SCD5: variants seen among roughly 807,000 people sequenced by gnomAD.
SCD5 encodes stearoyl-CoA desaturase 5, also known as acyl-CoA-desaturase 4.
SCD5 carries 20 observed loss-of-function variants against 30.4 expected under a neutral mutation model. The ratio of observed to expected loss-of-function variants is 0.66; its 90% confidence interval spans 0.46 to 0.96. SCD5 has a LOEUF of 0.96. Ranked by LOEUF, SCD5 falls within the 40% of genes least tolerant of loss-of-function variation. The pLI, the probability that SCD5 is intolerant of heterozygous loss-of-function variation, is 0.00. For synonymous variants in SCD5, 173 were observed against 176.4 expected (o/e 0.98, Z 0.16); for missense variants, 381 against 443.3 (o/e 0.86, Z 1.26).
chr4:82,691,918 T>C (rs1490266241), intron 2 of SCD5: 1 of 152,300 alleles, frequency 6.6e-6, no homozygotes, highest in Non-Finnish European at 1.5e-5. Context: ...TGGTGCCTAA[T>C]ATTTTACAGA....
chr4:82,695,680 C>T (rs1719682696), intron 2 of SCD5, among the ~76,000 whole-genome samples: 1 of 152,220 alleles, frequency 6.6e-6, no homozygotes, highest in Admixed American at 6.5e-5. Context: ...ACACTATACC[C>T]TGTCAGCTTA....
At chr4:82,717,408 G>A (rs1301313362) in intron 1 of SCD5, among the ~76,000 whole-genome samples, 3 of 151,646 alleles carry the variant, frequency 2.0e-5, no homozygotes, top group East Asian at 1.9e-4. Context: ...TGCAACTATC[G>A]AAATCACCAT....
intron 1 of SCD5, among the ~76,000 whole-genome samples, chr4:82,747,068 T>TTCCCCCCCC (rs772385416): frequency 2.5e-5 from 2 of 81,182 alleles, no homozygotes; most frequent in Admixed American, 1.2e-4. Flanking sequence ...CTGGGCAACC[T>TTCCCCCCCC]GCCCCCCAAG....
At chr4:82,779,883 A>C (rs1488441996) in intron 1 of SCD5, among the ~76,000 whole-genome samples, 1 of 152,190 alleles carries the variant, frequency 6.6e-6, no homozygotes, top group African/African-American at 2.4e-5. Context: ...ACACAATATG[A>C]CTATTCAGAC....
intron 1 of SCD5, among the ~76,000 whole-genome samples, chr4:82,719,652 C>T (rs1396110291): frequency 1.3e-5 from 2 of 151,464 alleles, no homozygotes; most frequent in Non-Finnish European, 1.5e-5. Context: ...TACAGGGGCC[C>T]GCTACCACGC....
intron 3 of SCD5, among the ~76,000 whole-genome samples, chr4:82,640,087 C>T (rs1280630530): frequency 4.6e-5 from 7 of 152,158 alleles, no homozygotes; most frequent in African/African-American, 1.2e-4. Flanking sequence ...CTGGCTCCTG[C>T]TCTCTGACCC....
At chr4:82,714,931 G>A (rs1163342209) in intron 1 of SCD5, among the ~76,000 whole-genome samples, 1 of 151,844 alleles carries the variant, frequency 6.6e-6, no homozygotes, top group Admixed American at 6.6e-5. Flanking sequence ...AGAACAACAG[G>A]ATACCATAAA....
chr4:82,731,434 C>A (rs900453456), intron 1 of SCD5, among the ~76,000 whole-genome samples: 22 of 152,300 alleles, frequency 1.4e-4, no homozygotes, highest in African/African-American at 5.1e-4. Context: ...CTTCCTGCCT[C>A]GGGGCAATGA....
At chr4:82,669,878 C>A (rs1277544050) in intron 3 of SCD5, among the ~76,000 whole-genome samples, 2 of 152,074 alleles carry the variant, frequency 1.3e-5, no homozygotes, top group African/African-American at 4.8e-5. Flanking sequence ...GGAAAATACT[C>A]AACTCCAGCC....
At chr4:82,643,909 A>G (rs1192884351) in intron 3 of SCD5, among the ~76,000 whole-genome samples, 1 of 152,192 alleles carries the variant, frequency 6.6e-6, no homozygotes, top group Non-Finnish European at 1.5e-5. Flanking sequence ...GAGCAGATGG[A>G]TGGAGAGCTC....
At chr4:82,769,979 GT>G (rs1407950518) in intron 1 of SCD5, among the ~76,000 whole-genome samples, 1 of 151,814 alleles carries the variant, frequency 6.6e-6, no homozygotes, top group Non-Finnish European at 1.5e-5. Flanking sequence ...AAATGCATTT[GT>G]TTTTCCCCTC....
intron 1 of SCD5, among the ~76,000 whole-genome samples, chr4:82,708,657 CT>C (rs1339540540): frequency 6.6e-6 from 1 of 152,190 alleles, no homozygotes; most frequent in Non-Finnish European, 1.5e-5. Flanking sequence ...CCTATCTGTC[CT>C]GATTTCCCTA....
chr4:82,720,441 T>TAAAAAAAAAAAAAAAAAAAAAAA (rs1553917690), intron 1 of SCD5, among the ~76,000 whole-genome samples: 1 of 77,938 alleles, frequency 1.3e-5, no homozygotes, highest in Non-Finnish European at 2.4e-5. Flanking sequence ...AAGGCAAAAA[T>TAAAAAAAAAAAAAAAAAAAAAAA]AAAAAAAAAA....
At chr4:82,773,812 A>C (rs990052378) in intron 1 of SCD5, among the ~76,000 whole-genome samples, 7 of 152,124 alleles carry the variant, frequency 4.6e-5, no homozygotes, top group Non-Finnish European at 7.4e-5. Context: ...GAAAATGCAC[A>C]TAGAGGCCGG....
chr4:82,631,512 C>T lies in SCD5; in HGVS notation c.808G>A (p.Gly270Ser). ...AAGGTGTGATGGTAATTATGGAAGC[C>T]TTCACCTGGAAGACAAAGCGGGCAT... ...PLVALGAIGEGFHNYHHTFPF... is the reference protein window; with the variant it reads ...PLVALGAIGESFHNYHHTFPF... The change falls in exon 5 of 5, where the codon GGC becomes AGC. Residue 270 changes from glycine (G) to serine (S), a missense_variant. Transcript: ENST00000319540. 1 of 1,613,692 alleles carries T rather than the reference C, an allele frequency of 6.2e-7. No individual in the cohort carries two copies. Among genetic ancestry groups the T allele is most frequent in the Non-Finnish European group, 8.5e-7 (1 of 1,179,650 alleles).
At chr4:82,777,041 C>T (rs1182004140) in intron 1 of SCD5, among the ~76,000 whole-genome samples, 1 of 152,228 alleles carries the variant, frequency 6.6e-6, no homozygotes, top group African/African-American at 2.4e-5. Context: ...AGACTTCTGA[C>T]CACTAGTTCT....
intron 1 of SCD5, among the ~76,000 whole-genome samples, chr4:82,754,137 G>A (rs1190333743): frequency 6.6e-6 from 1 of 152,072 alleles, no homozygotes; most frequent in Non-Finnish European, 1.5e-5. Context: ...CTTATGTGGA[G>A]GAAAACTTAT....
At position 82,703,969 on chromosome 4, in the gene SCD5, C is replaced by A. The variant is rs117763607; in HGVS notation, c.363+1314G>T. On this transcript the variant is annotated intron_variant, in intron 2 of 4. Coordinates refer to ENST00000319540, the MANE Select transcript of SCD5 (RefSeq NM_001037582.3). ...AGTGGTGAACAAATGAACATGGAAC[C>A]AGGAAGCTGCCAACTGCTCCCTTAT... is the stretch of plus-strand genomic sequence containing the variant. 2.3e-4 allele frequency among the ~76,000 whole-genome samples: 35 copies of A among 152,322 alleles called. No homozygotes were observed. In the East Asian group the frequency reaches 3.1e-3, roughly 13 times the overall value.
intron 1 of SCD5, among the ~76,000 whole-genome samples, chr4:82,786,661 G>A (rs1004168595): frequency 6.6e-6 from 1 of 151,944 alleles, no homozygotes; most frequent in South Asian, 2.1e-4. Flanking sequence ...GCATGGTGGT[G>A]CATGTCTGTA....
Sources: gnomAD v4.1 joint callset for allele counts (sites outside exome capture counted in the v4.1 genomes callset) on GRCh38, gnomAD v4.1.1 for gene constraint, MANE v1.5 for transcripts, NCBI Gene and HGNC (gene_info 2026-07-23, HGNC 2026-07-21) for gene names.